PAAF1: variants seen among roughly 807,000 people sequenced by gnomAD.
PAAF1 encodes the protein proteasomal ATPase associated factor 1, also known as proteasomal ATPase-associated factor 1.
A neutral mutation model predicts 52.8 loss-of-function variants in PAAF1; 46 were observed. The ratio of observed to expected loss-of-function variants is 0.87; its 90% CI spans 0.69 to 1.11. The LOEUF (loss-of-function observed/expected upper bound fraction) is 1.11. PAAF1 is among the 50% of genes most tolerant of loss of function. The pLI is 0.00. For missense variants in PAAF1, 424 were observed against 477.4 expected, an observed-to-expected ratio of 0.89 and a Z score of 1.04; for synonymous variants, 178 against 172.8, an observed-to-expected ratio of 1.03 and a Z score of -0.24.
rs922005305 is a variant in PAAF1, at chr11:73,928,355, G to C, written c.*993G>C. The C allele has an allele frequency of 6.6e-6, 1 of 152,216 alleles. No individual in the cohort carries two copies. The highest frequency in any genetic ancestry group is 1.5e-5 in the Non-Finnish European group (1 of 68,058). 9.4% of individuals were successfully genotyped at this position (152,216 alleles called of 1,614,324 possible). A position where few individuals can be genotyped will look rare whatever the true frequency, so the allele number is the denominator to read the frequency against. On this transcript the variant is annotated 3_prime_UTR_variant, in exon 12 of 12. Coordinates refer to ENST00000310571, the MANE Select transcript of PAAF1 (RefSeq NM_025155.3). ...CAGAGCCCAAATAGTGAAGGAGCAC[G>C]AATGTTAGCTAAGGAGCTCAGACTT...
intron 4 of PAAF1, among the ~76,000 whole-genome samples, chr11:73,891,403 C>A (rs1050238408): frequency 1.3e-5 from 2 of 152,166 alleles, no homozygotes; most frequent in Non-Finnish European, 2.9e-5. Flanking sequence ...CAAATCTACT[C>A]ACTGGTCATC....
At chr11:73,907,068 G>A (rs1196625857) in intron 6 of PAAF1, among the ~76,000 whole-genome samples, 4 of 150,606 alleles carry the variant, frequency 2.7e-5, no homozygotes, top group Admixed American at 2.0e-4. Context: ...TATTCTGTTT[G>A]TGTATTTTTT....
In PAAF1 at chr11:73,916,592, C is replaced by T. The variant is rs1244112544; in HGVS notation, c.867C>T (p.Leu289=). 1.2e-6 allele frequency: 2 copies of T among 1,613,890 alleles called. No homozygotes were observed. Among genetic ancestry groups the T allele is most frequent in the East Asian group, 2.2e-5 (1 of 44,876 alleles). ...GSDAFNCCTF[L]SGFLLLAGTQ... ...ACGCTTTCAACTGCTGTACTTTTCT[C>T]TCTGGCTTCTTGCTATTGGCTGGGA... Residue 289 remains leucine (L), a synonymous_variant, in exon 9 of 12, where the codon CTC becomes CTT. Coordinates refer to ENST00000310571, the MANE Select transcript of PAAF1 (RefSeq NM_025155.3).
At chr11:73,917,610 G>A (rs1950101564) in intron 9 of PAAF1, among the ~76,000 whole-genome samples, 1 of 152,164 alleles carries the variant, frequency 6.6e-6, no homozygotes, top group Admixed American at 6.5e-5. Context: ...GGTGGCTCAC[G>A]CCTGTAACCC....
intron 4 of PAAF1, among the ~76,000 whole-genome samples, chr11:73,896,476 TGA>T (rs1198512144): frequency 1.3e-5 from 2 of 150,810 alleles, no homozygotes; most frequent in Non-Finnish European, 3.0e-5. Context: ...CCTGGGTACT[TGA>T]GATTAGGGAG....
In PAAF1 at chr11:73,927,464, C is replaced by CT. The variant is rs1950394416; in HGVS notation, c.*104dup. ...TCCCAAGGACCATGGCGTTTAATGTCTTGGGCACCCCTTGGAAATCACAGA... is the reference window on the plus strand; with the variant it reads ...TCCCAAGGACCATGGCGTTTAATGTCTTTGGGCACCCCTTGGAAATCACAGA... On this transcript the variant is annotated 3_prime_UTR_variant, in exon 12 of 12. Coordinates refer to ENST00000310571, the MANE Select transcript of PAAF1 (RefSeq NM_025155.3). The CT allele has an allele frequency of 2.1e-5, 20 of 961,866 alleles. No homozygotes were observed. In the South Asian group the frequency reaches 2.5e-4, roughly 12 times the overall value. The allele number at this position is 961,866 out of a possible 1,614,324, so 59.6% of individuals were successfully genotyped here. A position where few individuals can be genotyped will look rare whatever the true frequency, so the allele number is the denominator to read the frequency against.
intron 6 of PAAF1, among the ~76,000 whole-genome samples, chr11:73,901,825 C>T (rs1949621025): frequency 6.6e-6 from 1 of 151,838 alleles, no homozygotes; most frequent in African/African-American, 2.4e-5. Context: ...CCAGCCTCGG[C>T]CTCCCAAAGT....
At chr11:73,883,436 G>C (rs1948972280) in intron 2 of PAAF1, among the ~76,000 whole-genome samples, 1 of 152,040 alleles carries the variant, frequency 6.6e-6, no homozygotes, top group Non-Finnish European at 1.5e-5. Context: ...CTGTGGATTT[G>C]CCTACTTTGG....
chr11:73,901,028 A>C (rs1949595034), intron 6 of PAAF1, among the ~76,000 whole-genome samples: 1 of 148,756 alleles, frequency 6.7e-6, no homozygotes. Flanking sequence ...GTTTTCTACA[A>C]TTGATAAAGG....
chr11:73,925,523 A>C (rs1591142571), intron 11 of PAAF1, among the ~76,000 whole-genome samples: 1 of 152,060 alleles, frequency 6.6e-6, no homozygotes, highest in Middle Eastern at 3.4e-3. Context: ...TTAAAAACTT[A>C]CTTTACCTCA....
intron 5 of PAAF1, 29 bp from the exon 6 acceptor site, chr11:73,900,241 T>C (rs1949558401): frequency 6.4e-7 from 1 of 1,571,334 alleles, no homozygotes; most frequent in African/African-American, 1.3e-5. Context: ...ACAAGAGAAC[T>C]AGCATGGAAT....
chr11:73,908,255 A>ATATATG (rs1949814403), intron 6 of PAAF1, among the ~76,000 whole-genome samples: 1 of 147,164 alleles, frequency 6.8e-6, no homozygotes, highest in Non-Finnish European at 1.5e-5. Context: ...GTGTATATAT[A>ATATATG]TGTATATATG....
Position 73,921,722 on chromosome 11 carries a change from A to G in PAAF1, c.1018+2690A>G. ...TTCACAAAACAAGTCCACCACTTGCAGCGTTTATCATTCTGAGGGTCGAAA... is the reference window on the plus strand; with the variant it reads ...TTCACAAAACAAGTCCACCACTTGCGGCGTTTATCATTCTGAGGGTCGAAA... On this transcript the variant is annotated intron_variant, in intron 10 of 11. Transcript: ENST00000310571. 3 of 1,027,268 alleles carry G rather than the reference A, an allele frequency of 2.9e-6. No individual in the cohort carries two copies. The South Asian group carries it at 3.8e-5, about 13-fold the overall frequency. The allele number at this position is 1,027,268 out of a possible 1,614,324, so 63.6% of individuals were successfully genotyped here.
chr11:73,915,878 T>G (rs116485660), intron 8 of PAAF1, among the ~76,000 whole-genome samples: 120 of 152,346 alleles, frequency 7.9e-4, no homozygotes, highest in Middle Eastern at 3.4e-3. Flanking sequence ...TTTCAAAGTT[T>G]GTTTCAGGAA....
At chr11:73,901,007 A>G (rs1232750566) in intron 6 of PAAF1, among the ~76,000 whole-genome samples, 52 of 141,936 alleles carry the variant, frequency 3.7e-4, no homozygotes, top group Non-Finnish European at 2.9e-4. Flanking sequence ...AAAAAAAAAA[A>G]AAAAAAAGTT....
intron 4 of PAAF1, among the ~76,000 whole-genome samples, chr11:73,892,586 CTCTG>C (rs1018590154): frequency 2.0e-5 from 3 of 152,258 alleles, no homozygotes; most frequent in African/African-American, 4.8e-5. Context: ...TTACTTAATA[CTCTG>C]TCTTTTCCTT....
upstream of PAAF1, chr11:73,876,890 G>A (rs78960781): frequency 4.3e-3 from 3,882 of 903,676 alleles, 104 homozygotes; most frequent in African/African-American, 0.058. Context: ...GAAGGGGCGG[G>A]GAATGTGAAA....
chr11:73,897,670 C>T (rs1228837264), intron 4 of PAAF1, among the ~76,000 whole-genome samples: 4 of 150,672 alleles, frequency 2.7e-5, no homozygotes, highest in South Asian at 4.2e-4. Context: ...ACTGGGCGGC[C>T]GGGCAGAGAG....
chr11:73,885,431 C>T (rs1293768755), intron 2 of PAAF1, among the ~76,000 whole-genome samples: 1 of 151,936 alleles, frequency 6.6e-6, no homozygotes, highest in Non-Finnish European at 1.5e-5. Flanking sequence ...TGTGAGCCAC[C>T]ATGCCCGGCT....
Sources: gnomAD v4.1 joint callset for allele counts (sites outside exome capture counted in the v4.1 genomes callset) on GRCh38, gnomAD v4.1.1 for gene constraint, MANE v1.5 for transcripts, NCBI Gene and HGNC (gene_info 2026-07-23, HGNC 2026-07-21) for gene names.